Variants in UBAP1 observed in about 807,000 individuals in gnomAD.
UBAP1 encodes ubiquitin associated protein 1, also known as ubiquitin-associated protein 1.
A neutral mutation model predicts 39.0 loss-of-function variants in UBAP1; 5 were observed. The ratio of observed to expected loss-of-function variants is 0.13; its 90% CI spans 0.07 to 0.27. The LOEUF (loss-of-function observed/expected upper bound fraction) is 0.27, where lower values mean the gene tolerates loss of function less well. Among genes scored for constraint, UBAP1 ranks in the 10% least tolerant of loss-of-function variants. UBAP1 has a pLI of 1.00. For missense variants in UBAP1, 490 were observed against 608.1 expected (o/e 0.81, Z 2.04); for synonymous variants, 211 against 225.1 (o/e 0.94, Z 0.56).
chr9:34,215,582 C>A (rs901037866), intron 1 of UBAP1, among the ~76,000 whole-genome samples: 2 of 151,814 alleles, frequency 1.3e-5, no homozygotes, highest in Non-Finnish European at 2.9e-5. Context: ...TAGGGTGCAG[C>A]GTATACTGCT....
At position 34,251,394 on chromosome 9, in the gene UBAP1, G is replaced by A. The variant is rs573783161; in HGVS notation, c.1371G>A (p.Met457Ile). 15 of 1,614,124 alleles carry A rather than the reference G, an allele frequency of 9.3e-6. No individual in the cohort carries two copies. In the African/African-American group the frequency reaches 1.9e-4, roughly 20 times the overall value. The change falls in exon 7 of 7, where the codon ATG (methionine) becomes ATA (isoleucine). Residue 457 changes from methionine to isoleucine, a missense_variant and splice_region_variant. Met to Ile is a conservative substitution (Grantham distance 10). This residue lies in a region of UBAP1 where 339 missense variants were observed against 390.0 expected (regional missense o/e 0.87). Coordinates refer to ENST00000297661, the MANE Select transcript of UBAP1 (RefSeq NM_016525.5). ...LEMHQCSEEKMMEFLQLMSKF... is the reference protein window; with the variant it reads ...LEMHQCSEEKIMEFLQLMSKF... ...CTGTGTTCTCTTCTCTCCCTTAGATGATGGAGTTTCTTCAGTTAATGAGCA... is the reference window on the plus strand; with the variant it reads ...CTGTGTTCTCTTCTCTCCCTTAGATAATGGAGTTTCTTCAGTTAATGAGCA...
rs139770979 is a variant in UBAP1 at position 34,215,233 on chromosome 9, C to G, written c.-7-5675C>G. On this transcript the variant is annotated intron_variant, in intron 1 of 6. Transcript: ENST00000297661. Reference sequence around the variant, plus strand: ...TCATGGAAGCAACCCAAATGCCTATCAACGAATGGATAAACTGCTGTGTGT... The same window carrying G: ...TCATGGAAGCAACCCAAATGCCTATGAACGAATGGATAAACTGCTGTGTGT... Among the ~76,000 whole-genome samples the G allele has an allele frequency of 5.1e-4, 77 of 151,854 alleles. No individual in the cohort carries two copies. In the East Asian group the frequency reaches 0.013, roughly 26 times the overall value.
In UBAP1 at chr9:34,247,489, A is replaced by G. The variant is rs369228790; in HGVS notation, c.1084-2290A>G. Among the ~76,000 whole-genome samples the G allele has an allele frequency of 3.8e-4, 58 of 151,540 alleles. No individual in the cohort carries two copies. In the South Asian group the frequency reaches 0.012, roughly 31 times the overall value. On this transcript the variant is annotated intron_variant, in intron 4 of 6. Coordinates refer to ENST00000297661, the MANE Select transcript of UBAP1 (RefSeq NM_016525.5). ...AACCAGGCTGGAGTGCAGTGGCGCA[A>G]TCTTGGCCCACTGAGACCTCCGCCT...
At chr9:34,245,899 G>C (rs1834153254) in intron 4 of UBAP1, among the ~76,000 whole-genome samples, 1 of 150,132 alleles carries the variant, frequency 6.7e-6, no homozygotes, top group Admixed American at 6.7e-5. Flanking sequence ...TATCACACCA[G>C]TAATCCCAGC....
chr9:34,210,825 C>A (rs1046874500), intron 1 of UBAP1, among the ~76,000 whole-genome samples: 2 of 150,206 alleles, frequency 1.3e-5, no homozygotes, highest in Admixed American at 1.3e-4. Flanking sequence ...ATATTTAATT[C>A]ACCAACCTTT....
intron 1 of UBAP1, among the ~76,000 whole-genome samples, chr9:34,202,682 C>CGTGTGTGTGT: frequency 1.4e-5 from 1 of 73,700 alleles, no homozygotes; most frequent in Non-Finnish European, 2.5e-5. Flanking sequence ...TGTGTGTCCC[C>CGTGTGTGTGT]GTCCCCGTAT....
intron 2 of UBAP1, among the ~76,000 whole-genome samples, chr9:34,222,742 G>T (rs1253596374): frequency 6.6e-6 from 1 of 151,718 alleles, no homozygotes; most frequent in Non-Finnish European, 1.5e-5. Context: ...AGGCTGCAGT[G>T]AGCCATGATC....
intron 1 of UBAP1, among the ~76,000 whole-genome samples, chr9:34,189,314 G>A (rs1312810772): frequency 6.6e-6 from 1 of 151,308 alleles, no homozygotes; most frequent in African/African-American, 2.4e-5. Context: ...TCAGCCTCCC[G>A]AGTAGCTGGG....
chr9:34,220,873 A>G (rs1832719822), intron 1 of UBAP1, 35 bp from the exon 2 acceptor site: 2 of 1,601,570 alleles, frequency 1.2e-6, no homozygotes, highest in African/African-American at 1.3e-5. Context: ...CCTTCAAGGT[A>G]TAATGTGCCT....
chr9:34,246,307 CCTT>C (rs1323264827), intron 4 of UBAP1, among the ~76,000 whole-genome samples: 11 of 152,288 alleles, frequency 7.2e-5, no homozygotes, highest in African/African-American at 2.6e-4. Flanking sequence ...CTTAAGCAGT[CCTT>C]CTGCCTCAGC....
Position 34,251,563 on chromosome 9 carries a change from A to G in UBAP1, c.*31A>G. The G allele has an allele frequency of 1.2e-6, 2 of 1,608,502 alleles. No homozygotes were observed. The highest frequency in any genetic ancestry group is 1.7e-6 in the Non-Finnish European group (2 of 1,177,470). ...GGCCCTGCCTAGGCCCTGCCGCAGA[A>G]CCACCATCCCTGGGAGGCCCTGCAG... On this transcript the variant is annotated 3_prime_UTR_variant, in exon 7 of 7. Transcript: ENST00000297661.
chr9:34,215,180 T>G (rs1832229787), intron 1 of UBAP1, among the ~76,000 whole-genome samples: 1 of 152,154 alleles, frequency 6.6e-6, no homozygotes, highest in Non-Finnish European at 1.5e-5. Context: ...CATGTATGTT[T>G]ATAGCAGCAC....
At chr9:34,235,447 T>G (rs1833646294) in intron 3 of UBAP1, among the ~76,000 whole-genome samples, 1 of 152,006 alleles carries the variant, frequency 6.6e-6, no homozygotes, top group African/African-American at 2.4e-5. Context: ...CACACCATTC[T>G]CCTGCCTCAG....
chr9:34,226,033 A>G (rs1022813961), intron 2 of UBAP1, among the ~76,000 whole-genome samples: 2 of 151,858 alleles, frequency 1.3e-5, no homozygotes, highest in African/African-American at 2.4e-5. Context: ...GAGGATAAGT[A>G]TACACTCATG....
chr9:34,213,152 C>A (rs932236960), intron 1 of UBAP1, among the ~76,000 whole-genome samples: 1 of 152,038 alleles, frequency 6.6e-6, no homozygotes, highest in African/African-American at 2.4e-5. Context: ...ATCCAGCATC[C>A]CTTTATGATT....
intron 1 of UBAP1, among the ~76,000 whole-genome samples, chr9:34,196,723 G>C (rs1831081520): frequency 6.6e-6 from 1 of 152,042 alleles, no homozygotes; most frequent in South Asian, 2.1e-4. Flanking sequence ...GGGATTACAA[G>C]CGTGAGCCAC....
chr9:34,202,624 CGTGTGTGTGT>C (rs56012034), intron 1 of UBAP1, among the ~76,000 whole-genome samples: 1,480 of 107,340 alleles, frequency 0.014, 23 homozygotes, highest in South Asian at 0.024. Flanking sequence ...TAGACAGAAA[CGTGTGTGTGT>C]GTGTGTGTGT....
chr9:34,188,879 G>A (rs1830560614), intron 1 of UBAP1, among the ~76,000 whole-genome samples: 1 of 152,000 alleles, frequency 6.6e-6, no homozygotes, highest in African/African-American at 2.4e-5. Context: ...ATTGCTTGAA[G>A]CCGGGAGGCA....
intron 3 of UBAP1, among the ~76,000 whole-genome samples, chr9:34,238,920 GAAGCACCAATAA>G (rs1833829516): frequency 6.6e-6 from 1 of 152,190 alleles, no homozygotes; most frequent in South Asian, 2.1e-4. Flanking sequence ...TGGTCAGTCT[GAAGCACCAATAA>G]AAGCATGGTA....
Sources: allele counts gnomAD v4.1 joint callset (sites outside exome capture counted in the v4.1 genomes callset), GRCh38; gene constraint gnomAD v4.1.1; regional missense constraint gnomAD v4.1.1; transcripts MANE v1.5; gene names NCBI Gene and HGNC (gene_info 2026-07-23, HGNC 2026-07-21).